The following MID1 variants were observed in gnomAD, a reference collection of about 807,000 sequenced individuals.
MID1 encodes the protein E3 ubiquitin-protein ligase Midline-1.
A neutral mutation model predicts 40.4 loss-of-function variants in MID1; 7 were observed. The ratio of observed to expected loss-of-function variants is 0.17; its 90% CI spans 0.10 to 0.33. MID1 has a LOEUF of 0.33. MID1 is among the 10% of genes least tolerant of loss of function. The probability of loss-of-function intolerance (pLI) is 1.00; values close to 1 mark genes in which losing one functional copy is unlikely to be tolerated. For missense variants in MID1, 367 were observed against 558.5 expected, an observed-to-expected ratio of 0.66 and a Z score of 3.46; for synonymous variants, 229 against 221.2, an observed-to-expected ratio of 1.04 and a Z score of -0.31.
intron 1 of MID1, among the ~76,000 whole-genome samples, chrX:10,713,164 G>T (rs979444031): frequency 1.8e-5 from 2 of 111,393 alleles, no homozygotes; most frequent in Admixed American, 1.9e-4. Context: ...AGTCATCTAG[G>T]TGATGCTAAT....
chrX:10,602,061 C>A (rs1252433424), intron 1 of MID1, among the ~76,000 whole-genome samples: 1 of 108,145 alleles, frequency 9.2e-6, no homozygotes, highest in Non-Finnish European at 1.9e-5. Context: ...CCATGCCCGG[C>A]TAATTTTTTG....
At chrX:10,521,888 G>A (rs181198541) in intron 3 of MID1, among the ~76,000 whole-genome samples, 2 of 112,269 alleles carry the variant, frequency 1.8e-5, no homozygotes, top group Non-Finnish European at 3.8e-5. Context: ...CGCCTAGGCT[G>A]GAGTGCAGTG....
At chrX:10,594,380 A>G (rs1465315748) in intron 1 of MID1, among the ~76,000 whole-genome samples, 1 of 111,574 alleles carries the variant, frequency 9.0e-6, no homozygotes, top group Non-Finnish European at 1.9e-5. Context: ...CGATAATGAC[A>G]CCAAAACATA....
At chrX:10,732,063 T>C (rs1389322730) in intron 1 of MID1, among the ~76,000 whole-genome samples, 1 of 106,739 alleles carries the variant, frequency 9.4e-6, no homozygotes, top group Non-Finnish European at 1.9e-5. Context: ...AACAACCTAG[T>C]AAAGGACATC....
At chrX:10,536,281 G>C (rs1219991116) in intron 2 of MID1, among the ~76,000 whole-genome samples, 1 of 111,621 alleles carries the variant, frequency 9.0e-6, no homozygotes, top group Non-Finnish European at 1.9e-5. Flanking sequence ...TTCTTTGATT[G>C]ATGGCCACTT....
intron 1 of MID1, among the ~76,000 whole-genome samples, chrX:10,667,859 T>C (rs2042960353): frequency 8.9e-6 from 1 of 112,112 alleles, no homozygotes; most frequent in African/African-American, 3.2e-5. Context: ...TAGCATGCAT[T>C]CAAATGGAAT....
chrX:10,630,987 T>C (rs1936046790), intron 1 of MID1, among the ~76,000 whole-genome samples: 1 of 111,568 alleles, frequency 9.0e-6, no homozygotes, highest in Non-Finnish European at 1.9e-5. Context: ...CTTGCTTCAG[T>C]GTCCTGTGGG....
intron 3 of MID1, among the ~76,000 whole-genome samples, chrX:10,516,441 AC>A (rs1932417744): frequency 9.1e-6 from 1 of 109,408 alleles, no homozygotes; most frequent in Admixed American, 9.7e-5. Flanking sequence ...TGATCCACCC[AC>A]CTGGGCCTCC....
intron 1 of MID1, among the ~76,000 whole-genome samples, chrX:10,832,766 C>T (rs1421955239): frequency 8.9e-6 from 1 of 112,318 alleles, no homozygotes; most frequent in Admixed American, 9.5e-5. Flanking sequence ...TTGTCTCTTA[C>T]AATTGGCTGT....
At chrX:10,704,457 C>T (rs1412904888) in intron 1 of MID1, among the ~76,000 whole-genome samples, 3 of 109,042 alleles carry the variant, frequency 2.8e-5, no homozygotes, top group Non-Finnish European at 5.7e-5. Flanking sequence ...CCTCCCACTC[C>T]TCTTGTCACC....
At chrX:10,779,076 A>G (rs1454242399) in intron 1 of MID1, among the ~76,000 whole-genome samples, 1 of 113,011 alleles carries the variant, frequency 8.8e-6, no homozygotes, top group African/African-American at 3.2e-5. Flanking sequence ...AGTTCTAGCA[A>G]GAACTAGAAA....
intron 3 of MID1, among the ~76,000 whole-genome samples, chrX:10,512,689 T>C (rs1932217545): frequency 1.8e-5 from 2 of 112,436 alleles, no homozygotes; most frequent in African/African-American, 3.2e-5. Context: ...CCCAATCCTA[T>C]GGAAATTGAC....
chrX:10,711,831 A>G (rs62589986), intron 1 of MID1, among the ~76,000 whole-genome samples: 4,147 of 112,050 alleles, frequency 0.037, 78 homozygotes, highest in Non-Finnish European at 0.056. Flanking sequence ...AGTGGGTCTC[A>G]ACAAGGGGTT....
rs765593723 is a variant in MID1, at chrX:10,469,404, C to T, written c.1285+293G>A. ...ATACTATATATATATATTTGTTTCT[C>T]TCTCTATGTATCTCTCTATATATTT... On this transcript the variant is annotated intron_variant, in intron 7 of 9. Transcript: ENST00000317552. 1,641 of 1,038,175 alleles carry T rather than the reference C, an allele frequency of 1.6e-3. 1 individual carries two copies. Among genetic ancestry groups the T allele is most frequent in the Non-Finnish European group, 1.9e-3 (1,496 of 806,484 alleles). The allele number at this position is 1,038,175 out of a possible 1,213,427, so 85.6% of individuals were successfully genotyped here. A position where few individuals can be genotyped will look rare whatever the true frequency, so the allele number is the denominator to read the frequency against.
At chrX:10,656,805 C>G (rs1276438863) in intron 1 of MID1, among the ~76,000 whole-genome samples, 1 of 110,168 alleles carries the variant, frequency 9.1e-6, no homozygotes, top group Non-Finnish European at 1.9e-5. Context: ...TTCTCTTCCT[C>G]GTGGAAGAAT....
chrX:10,582,840 A>G (rs950150145), intron 1 of MID1: 5 of 112,145 alleles, frequency 4.5e-5, no homozygotes, highest in Non-Finnish European at 9.4e-5. Context: ...CAGCACATAG[A>G]CTAAAACTGG....
At chrX:10,749,787 G>C (rs2043585779) in intron 1 of MID1, among the ~76,000 whole-genome samples, 1 of 111,286 alleles carries the variant, frequency 9.0e-6, no homozygotes, top group Admixed American at 9.5e-5. Context: ...TAAACAGTCA[G>C]CTCTTGAGAG....
At chrX:10,541,972 G>A (rs1933487607) in intron 2 of MID1, among the ~76,000 whole-genome samples, 1 of 111,779 alleles carries the variant, frequency 8.9e-6, no homozygotes, top group African/African-American at 3.3e-5. Flanking sequence ...TCAAATGATG[G>A]GAGTTTTACC....
intron 2 of MID1, among the ~76,000 whole-genome samples, chrX:10,533,433 AAG>A (rs1569090045): frequency 2.1e-5 from 2 of 95,424 alleles, no homozygotes; most frequent in Non-Finnish European, 4.2e-5. Context: ...GAAAGAAAGA[AAG>A]AGAAAGAAAA....
Sources: allele counts gnomAD v4.1 joint callset (sites outside exome capture counted in the v4.1 genomes callset), GRCh38; gene constraint gnomAD v4.1.1; transcripts MANE v1.5; gene names NCBI Gene and HGNC (gene_info 2026-07-23, HGNC 2026-07-21).